The following ATP10D variants were observed in gnomAD, a reference collection of about 807,000 sequenced individuals.
ATP10D encodes ATPase phospholipid transporting 10D (putative).
ATP10D carries 89 observed loss-of-function variants against 144.8 expected under a neutral mutation model. The observed-to-expected ratio is 0.61, with a 90% CI of 0.52 to 0.73. The LOEUF (loss-of-function observed/expected upper bound fraction) is 0.73, where lower values mean the gene tolerates loss of function less well. Among genes scored for constraint, ATP10D ranks in the 30% least tolerant of loss-of-function variants. The pLI is 0.00. For missense variants in ATP10D, 1,603 were observed against 1,714.8 expected (o/e 0.93, Z 1.15); for synonymous variants, 571 against 615.1 (o/e 0.93, Z 1.06).
intron 22 of ATP10D, among the ~76,000 whole-genome samples, chr4:47,589,424 G>A (rs549656833): frequency 8.5e-5 from 13 of 152,218 alleles, no homozygotes; most frequent in African/African-American, 3.1e-4. Context: ...ACTGGATAAT[G>A]GGCAGAGGCA....
At chr4:47,494,347 T>C (rs745815408) in intron 1 of ATP10D, among the ~76,000 whole-genome samples, 1 of 152,236 alleles carries the variant, frequency 6.6e-6, no homozygotes, top group Non-Finnish European at 1.5e-5. Flanking sequence ...CGATCCTGCA[T>C]GCTTTTGAAG....
chr4:47,540,795 A>C (rs577821057), intron 9 of ATP10D, among the ~76,000 whole-genome samples: 1 of 152,314 alleles, frequency 6.6e-6, no homozygotes, highest in Admixed American at 6.5e-5. Flanking sequence ...AGGATGCTGC[A>C]TAACAGCCAT....
chr4:47,512,795 T>C lies in ATP10D; in HGVS notation c.255T>C (p.Asn85=). The C allele has an allele frequency of 6.2e-7, 1 of 1,603,012 alleles. No homozygotes were observed. The highest frequency in any genetic ancestry group is 8.5e-7 in the Non-Finnish European group (1 of 1,170,966). ...RIRTTKYTLL[N]FVPRNLFEQF... is the part of the protein sequence containing the mutation. The stretch of plus-strand genomic sequence containing the variant: ...GAACAACAAAGTACACACTTCTGAA[T>C]TTTGTGCCAAGAAATTTATTTGAAC... The change falls in exon 2 of 23, where the codon AAT becomes AAC. Residue 85 remains asparagine, a synonymous_variant. Coordinates refer to ENST00000273859, the MANE Select transcript of ATP10D (RefSeq NM_020453.4).
chr4:47,487,555 G>A (rs1714836445), intron 1 of ATP10D, among the ~76,000 whole-genome samples: 2 of 152,216 alleles, frequency 1.3e-5, no homozygotes, highest in African/African-American at 4.8e-5. Flanking sequence ...AATAGTGCTT[G>A]AAGAAAAGGA....
intron 16 of ATP10D, among the ~76,000 whole-genome samples, chr4:47,569,951 C>T (rs975272316): frequency 6.6e-6 from 1 of 151,912 alleles, no homozygotes; most frequent in Non-Finnish European, 1.5e-5. Context: ...GTGTTTTCTG[C>T]GGGTTATTAA....
intron 15 of ATP10D, among the ~76,000 whole-genome samples, chr4:47,565,636 G>A (rs1266793638): frequency 6.6e-6 from 1 of 152,056 alleles, no homozygotes; most frequent in Non-Finnish European, 1.5e-5. Flanking sequence ...GTTTAATGCG[G>A]TGCCTATCAG....
At chr4:47,526,898 T>C (rs1416946061) in intron 5 of ATP10D, among the ~76,000 whole-genome samples, 1 of 152,158 alleles carries the variant, frequency 6.6e-6, no homozygotes, top group Non-Finnish European at 1.5e-5. Context: ...CCCAGATTTA[T>C]CTATAGAGTC....
At position 47,512,843 on chromosome 4, in the gene ATP10D, T is replaced by C. The variant is rs763118737; in HGVS notation, c.290+13T>C. On this transcript the variant is annotated intron_variant, in intron 2 of 22. Transcript: ENST00000273859. ...AACAATTTCACAGGTACTGTTTTAT[T>C]TTTGAAGAAAACCTTAGAATATCAT... is the stretch of plus-strand genomic sequence containing the variant. 6 of 1,584,818 alleles carry C rather than the reference T, an allele frequency of 3.8e-6. No homozygotes were observed. The South Asian group carries it at 6.8e-5, about 18-fold the overall frequency.
chr4:47,495,968 C>A (rs1208132652), intron 1 of ATP10D, among the ~76,000 whole-genome samples: 1 of 151,584 alleles, frequency 6.6e-6, no homozygotes, highest in Admixed American at 6.6e-5. Context: ...AACTCCTGAC[C>A]TGAGGTGATC....
intron 3 of ATP10D, among the ~76,000 whole-genome samples, chr4:47,517,250 C>G (rs1716736789): frequency 6.6e-6 from 1 of 151,812 alleles, no homozygotes. Flanking sequence ...CCTGTCTCTA[C>G]CAAAAAACAA....
rs772070379 is a variant in ATP10D at position 47,558,261 on chromosome 4, G to A, written c.2422G>A (p.Val808Met). 18 of 1,612,096 alleles carry A rather than the reference G, an allele frequency of 1.1e-5. No individual in the cohort carries two copies. Among genetic ancestry groups the A allele is most frequent in the Admixed American group, 1.7e-5 (1 of 59,960 alleles). Residue 808 changes from valine to methionine, a missense_variant, in exon 12 of 23, where the codon GTG becomes ATG. Coordinates refer to ENST00000273859, the MANE Select transcript of ATP10D (RefSeq NM_020453.4). ...ADSVIMELLSVASPDGASLEK... is the reference protein window; with the variant it reads ...ADSVIMELLSMASPDGASLEK... ...TTCTGTGATCATGGAGTTACTGTCG[G>A]TGGCTTCCCCAGGTAAGTTTATACA...
At position 47,536,515 on chromosome 4, in the gene ATP10D, C is replaced by T; in HGVS notation, c.1094C>T (p.Pro365Leu). The T allele has an allele frequency of 1.2e-6, 2 of 1,613,544 alleles. No individual in the cohort carries two copies. Among genetic ancestry groups the T allele is most frequent in the African/African-American group, 1.3e-5 (1 of 74,972 alleles). Residue 365 changes from proline to leucine, a missense_variant, in exon 8 of 23, where the codon CCA becomes CTA. Physicochemically the swap from Pro to Leu is moderately conservative, Grantham distance 98. Transcript: ENST00000273859. ...GAGCCTGATGGACATATCATATCAC[C>T]ACTGTTGGCAGGATTTTATATGTTT... ...VPEPDGHIIS[P>L]LLAGFYMFWT...
intron 1 of ATP10D, among the ~76,000 whole-genome samples, chr4:47,497,271 C>T (rs951717649): frequency 2.0e-5 from 3 of 152,060 alleles, no homozygotes; most frequent in East Asian, 1.9e-4. Context: ...GCCTGACCAA[C>T]GTGGAGAAAT....
chr4:47,531,470 G>A lies in ATP10D; in HGVS notation c.777-4039G>A, dbSNP rs535515862. Among the ~76,000 whole-genome samples, 11 of 152,290 alleles carry A rather than the reference G, an allele frequency of 7.2e-5. No homozygotes were observed. The South Asian group carries it at 2.1e-3, about 29-fold the overall frequency. On this transcript the variant is annotated intron_variant, in intron 5 of 22. Coordinates refer to ENST00000273859, the MANE Select transcript of ATP10D (RefSeq NM_020453.4). The stretch of plus-strand genomic sequence containing the variant: ...TTGTTCTATGTGGCTAAGTATGTCT[G>A]GAATGTAGGTGAGCAATAAGGCAGA...
chr4:47,536,917 G>C lies in ATP10D; in HGVS notation c.1375G>C (p.Asp459His). 1 of 1,609,436 alleles carries C rather than the reference G, an allele frequency of 6.2e-7. No homozygotes were observed. Among genetic ancestry groups the C allele is most frequent in the Non-Finnish European group, 8.5e-7 (1 of 1,178,494 alleles). ...VFRRCSVAGF[D>H]YCHEENARRL... ...TCGAAGATGTAGTGTGGCAGGATTT[G>C]ATTACTGCCATGAAGAAAATGGTGA... is the stretch of plus-strand genomic sequence containing the variant. The change falls in exon 9 of 23, where the codon GAT (aspartate) becomes CAT (histidine). Residue 459 changes from aspartate (D) to histidine (H), a missense_variant. Coordinates refer to ENST00000273859, the MANE Select transcript of ATP10D (RefSeq NM_020453.4).
rs200496411 is a variant in ATP10D, at chr4:47,485,381, A to AT, written c.-164dup. 1.5e-3 allele frequency: 220 copies of AT among 146,350 alleles called. No homozygotes were observed. The highest frequency in any genetic ancestry group is 3.5e-3 in the Middle Eastern group (1 of 284). The allele number at this position is 146,350 out of a possible 1,614,324, so 9.1% of individuals were successfully genotyped here. On this transcript the variant is annotated 5_prime_UTR_variant, in exon 1 of 23. Transcript: ENST00000273859. ...GCTGAGTTTGGGAGATGTCTAAGTG[A>AT]TTTTTTTTTTTTCCCGGAAGGCAAA...
intron 3 of ATP10D, among the ~76,000 whole-genome samples, chr4:47,522,672 C>T (rs565650639): frequency 2.0e-5 from 3 of 152,140 alleles, no homozygotes; most frequent in Non-Finnish European, 2.9e-5. Context: ...TGGGTTCAAG[C>T]GATTCTCCCG....
chr4:47,513,890 T>G (rs150297262), intron 2 of ATP10D, among the ~76,000 whole-genome samples: 163 of 152,302 alleles, frequency 1.1e-3, no homozygotes, highest in South Asian at 9.3e-3. Context: ...ACATTGTATA[T>G]ATCCCAGTGA....
chr4:47,544,892 C>T lies in ATP10D; in HGVS notation c.1397-1732C>T, dbSNP rs73813584. ...TGGTCTATATTCCAGACACTGGATACAATGCTGAACAATTCACATAAGGCC... is the reference window on the plus strand; with the variant it reads ...TGGTCTATATTCCAGACACTGGATATAATGCTGAACAATTCACATAAGGCC... On this transcript the variant is annotated intron_variant, in intron 9 of 22. Transcript: ENST00000273859. 5.9e-3 allele frequency among the ~76,000 whole-genome samples: 894 copies of T among 152,248 alleles called. 9 individuals are homozygous for T. The highest frequency in any genetic ancestry group is 0.02 in the African/African-American group (847 of 41,544).
Sources: allele counts gnomAD v4.1 joint callset (sites outside exome capture counted in the v4.1 genomes callset), GRCh38; gene constraint gnomAD v4.1.1; transcripts MANE v1.5; gene names NCBI Gene and HGNC (gene_info 2026-07-23, HGNC 2026-07-21).